FBXL6: variants seen among roughly 807,000 people sequenced by gnomAD.
The protein encoded by FBXL6 is F-box/LRR-repeat protein 6.
Under a neutral mutation model 53.3 loss-of-function variants are expected in FBXL6, and 50 were observed. The ratio of observed to expected loss-of-function variants is 0.94; its 90% CI spans 0.75 to 1.19. FBXL6 has a LOEUF of 1.19. Ranked by LOEUF, FBXL6 falls within the 50% of genes most tolerant of loss-of-function variation. The pLI is 0.00. For missense variants in FBXL6, 815 were observed against 719.0 expected, an observed-to-expected ratio of 1.13 and a Z score of -1.53; for synonymous variants, 405 against 322.9, an observed-to-expected ratio of 1.25 and a Z score of -2.73.
chr8:144,357,170 A>C (rs782596489), intron 3 of FBXL6, 49 bp from the exon 4 acceptor site: 1 of 1,609,448 alleles, frequency 6.2e-7, no homozygotes, highest in Non-Finnish European at 8.5e-7. Flanking sequence ...ACAGGCTAAG[A>C]TCCACAAGGG....
rs1554853422 is a variant in FBXL6 at position 144,358,198 on chromosome 8, C to T, written c.250G>A (p.Gly84Arg). ...GPSAAAKPKA[G>R]LRSEAAAAPA... ...GCGGCCGCCGCCTCGGACCTGAGCC[C>T]GGCCTTGGGCTTGGCCGCGGCGCTG... Residue 84 changes from glycine to arginine, a missense_variant, in exon 1 of 9, where the codon GGG becomes AGG. By Grantham distance (125) the Gly-to-Arg change is moderately radical. Coordinates refer to ENST00000331890, the MANE Select transcript of FBXL6 (RefSeq NM_012162.4). 13 of 1,267,606 alleles carry T rather than the reference C, an allele frequency of 1.0e-5. No homozygotes were observed. In the South Asian group the frequency reaches 3.0e-4, roughly 30 times the overall value. The allele number at this position is 1,267,606 out of a possible 1,614,324, so 78.5% of individuals were successfully genotyped here.
rs200282665 is a variant in FBXL6, at chr8:144,358,290, C to G, written c.158G>C (p.Gly53Ala). ...CCGCTGTGCGCGGGGCCGGGCGGGGCCGGGTTCGGACAGCACCAGCAGCAT... is the reference window on the plus strand; with the variant it reads ...CCGCTGTGCGCGGGGCCGGGCGGGGGCGGGTTCGGACAGCACCAGCAGCAT... ...DSMLLVLSEP[G>A]PARPRAQRRA... The change falls in exon 1 of 9, where the codon GGC becomes GCC. Residue 53 changes from glycine to alanine, a missense_variant. Transcript: ENST00000331890. 4.2e-3 allele frequency: 5,167 copies of G among 1,242,376 alleles called. 101 individuals carry two copies. In the African/African-American group the frequency reaches 0.052, roughly 13 times the overall value. The allele number at this position is 1,242,376 out of a possible 1,614,324, so 77.0% of individuals were successfully genotyped here. A position where few individuals can be genotyped will look rare whatever the true frequency, so the allele number is the denominator to read the frequency against.
In FBXL6 at chr8:144,356,112, C is replaced by T. The variant is rs1388802323; in HGVS notation, c.1328G>A (p.Arg443Gln). The T allele has an allele frequency of 7.4e-6, 12 of 1,612,988 alleles. No individual in the cohort carries two copies. Among genetic ancestry groups the T allele is most frequent in the South Asian group, 2.2e-5 (2 of 91,084 alleles). ...CCCCTGGCCACTCAAGTCCAGTTCT[C>T]GCAGTGTATGGCACCACTTCTGGGT... is the stretch of plus-strand genomic sequence containing the variant. ...FLTQKWCHTLRELDLSGQGFS... is the reference protein window; with the variant it reads ...FLTQKWCHTLQELDLSGQGFS... Residue 443 changes from arginine to glutamine, a missense_variant, in exon 8 of 9, where the codon CGA becomes CAA. Transcript: ENST00000331890.
chr8:144,356,560 G>A (rs782717185), intron 6 of FBXL6, 29 bp from the exon 7 acceptor site: 3 of 1,612,768 alleles, frequency 1.9e-6, no homozygotes, highest in Non-Finnish European at 2.5e-6. Context: ...CTGTAGATGG[G>A]GGAGGGTGTG....
Position 144,356,687 on chromosome 8 carries a change from G to A in FBXL6, c.906C>T (p.Val302=), listed in dbSNP as rs368399680. Residue 302 remains valine, a synonymous_variant, in exon 6 of 9, where the codon GTC becomes GTT. Transcript: ENST00000331890. ...GGTTGATGCCGGTGCTCACCTCCAG[G>A]ACCTGGAGCTGGGGGCAGCAGCTGC... The part of the protein sequence containing the change: ...LLGSCCPQLQ[V]LEVSTGINRN... 6.2e-7 allele frequency: 1 copy of A among 1,612,480 alleles called. No homozygotes were observed. The highest frequency in any genetic ancestry group is 2.2e-5 in the East Asian group (1 of 44,890).
In FBXL6 at chr8:144,355,963, C is replaced by G; in HGVS notation, c.1472+5G>C. 1 of 1,611,174 alleles carries G rather than the reference C, an allele frequency of 6.2e-7. No homozygotes were observed. Among genetic ancestry groups the G allele is most frequent in the Non-Finnish European group, 8.5e-7 (1 of 1,178,602 alleles). On this transcript the variant is annotated splice_donor_5th_base_variant and intron_variant, in intron 8 of 8. Coordinates refer to ENST00000331890, the MANE Select transcript of FBXL6 (RefSeq NM_012162.4). ...GCTCCAGGGACTGGGGTAGGGGATG[C>G]TGACCTGACAGTGCTTGGTGTGACC...
Position 144,356,071 on chromosome 8 carries a change from G to A in FBXL6, c.1369C>T (p.Leu457=), listed in dbSNP as rs139684144. Residue 457 remains leucine (L), a synonymous_variant, in exon 8 of 9, where the codon CTG becomes TTG. Transcript: ENST00000331890. ...LSGQGFSEKD[L]EQALAAFLST... is the part of the protein sequence containing the mutation. ...AAGAAGGCAGCCAGGGCCTGCTCCA[G>A]GTCCTTCTCACTGAACCCCTGGCCA... 1.9e-5 allele frequency: 31 copies of A among 1,612,550 alleles called. No individual in the cohort carries two copies. The highest frequency in any genetic ancestry group is 2.5e-5 in the Non-Finnish European group (30 of 1,179,598).
At position 144,357,746 on chromosome 8, in the gene FBXL6, G is replaced by A; in HGVS notation, c.457C>T (p.Gln153Ter). Residue 153 changes from glutamine to a stop codon, truncating the protein, a stop_gained, in exon 2 of 9, where the codon CAA becomes TAA. Transcript: ENST00000331890. LOFTEE classifies it high-confidence loss of function. ...VCRRWQEAAS[Q>*]PALWHTVTLS... is the part of the protein sequence containing the mutation. ...GTCACGGTGTGCCAGAGCGCGGGTT[G>A]GGAAGCGGCCTCCTGCCAGCGGCGG... 2 of 1,599,740 alleles carry A rather than the reference G, an allele frequency of 1.3e-6. No homozygotes were observed. Among genetic ancestry groups the A allele is most frequent in the Non-Finnish European group, 1.7e-6 (2 of 1,174,550 alleles).
chr8:144,355,861 CCT>C, intron 8 of FBXL6, 105 bp downstream of exon 8: 1 of 1,559,398 alleles, frequency 6.4e-7, no homozygotes, highest in East Asian at 2.3e-5. Flanking sequence ...TATGCATGCC[CCT>C]CTGACCCCTG....
chr8:144,356,175 T>G lies in FBXL6; in HGVS notation c.1265A>C (p.Asp422Ala). The change falls in exon 8 of 9, where the codon GAC becomes GCC. Residue 422 changes from aspartate to alanine, a missense_variant. By Grantham distance (126) the Asp-to-Ala change is moderately radical (BLOSUM62 -2). Transcript: ENST00000331890. ...QLHLGLYGTS[D>A]RLTLAKEGSP... ...GCCCTCCTTGGCTAGAGTCAGCCGGTCTGACGTGCCATACAGGCCCAGATG... is the reference window on the plus strand; with the variant it reads ...GCCCTCCTTGGCTAGAGTCAGCCGGGCTGACGTGCCATACAGGCCCAGATG... The G allele has an allele frequency of 6.3e-7, 1 of 1,598,104 alleles. No individual in the cohort carries two copies. Among genetic ancestry groups the G allele is most frequent in the South Asian group, 1.1e-5 (1 of 90,484 alleles).
intron 8 of FBXL6, 55 bp from the exon 9 acceptor site, chr8:144,355,733 C>G: frequency 6.3e-7 from 1 of 1,595,280 alleles, no homozygotes; most frequent in Non-Finnish European, 8.5e-7. Context: ...AGGGCTGGGC[C>G]AGGCTAGGGA....
chr8:144,355,477 G>A lies in FBXL6; in HGVS notation c.*54C>T. On this transcript the variant is annotated 3_prime_UTR_variant, in exon 9 of 9. Transcript: ENST00000331890. ...ACAAAATGCTCAAATATCTGAAATTGGGCAAAGGTGGAGGGTGGGCAAGCT... is the reference window on the plus strand; with the variant it reads ...ACAAAATGCTCAAATATCTGAAATTAGGCAAAGGTGGAGGGTGGGCAAGCT... The A allele has an allele frequency of 3.2e-6, 5 of 1,582,308 alleles. No homozygotes were observed. Among genetic ancestry groups the A allele is most frequent in the Non-Finnish European group, 4.3e-6 (5 of 1,161,816 alleles).
At position 144,355,478 on chromosome 8, in the gene FBXL6, G is replaced by T. The variant is rs1818356114; in HGVS notation, c.*53C>A. 1.3e-6 allele frequency: 2 copies of T among 1,583,104 alleles called. No homozygotes were observed. Among genetic ancestry groups the T allele is most frequent in the Non-Finnish European group, 1.7e-6 (2 of 1,162,334 alleles). ...CAAAATGCTCAAATATCTGAAATTG[G>T]GCAAAGGTGGAGGGTGGGCAAGCTG... On this transcript the variant is annotated 3_prime_UTR_variant, in exon 9 of 9. Coordinates refer to ENST00000331890, the MANE Select transcript of FBXL6 (RefSeq NM_012162.4).
At position 144,357,833 on chromosome 8, in the gene FBXL6, C is replaced by T. The variant is rs782039566; in HGVS notation, c.417-47G>A. ...GGTGCCGGCCCCTCCGTAGGCGATG[C>T]CCCCCTCTCGCAGCGCAGTAGACAC... On this transcript the variant is annotated intron_variant, in intron 1 of 8. Transcript: ENST00000331890. 8 of 1,459,062 alleles carry T rather than the reference C, an allele frequency of 5.5e-6. No individual in the cohort carries two copies. In the African/African-American group the frequency reaches 9.9e-5, roughly 18 times the overall value. The allele number at this position is 1,459,062 out of a possible 1,614,324, so 90.4% of individuals were successfully genotyped here. A position where few individuals can be genotyped will look rare whatever the true frequency, so the allele number is the denominator to read the frequency against.
At chr8:144,355,709 G>C (rs1458746914) in intron 8 of FBXL6, 31 bp from the exon 9 acceptor site, 2 of 1,607,108 alleles carry the variant, frequency 1.2e-6, no homozygotes, top group Non-Finnish European at 1.7e-6. Flanking sequence ...AGGAAGTTGA[G>C]CTGTTGCCTC....
In FBXL6 at chr8:144,356,618, T is replaced by C; in HGVS notation, c.975A>G (p.Lys325=). Residue 325 remains lysine (K), a synonymous_variant, in exon 6 of 9, where the codon AAA becomes AAG. Coordinates refer to ENST00000331890, the MANE Select transcript of FBXL6 (RefSeq NM_012162.4). The stretch of plus-strand genomic sequence containing the variant: ...CAGGTACCTGGAGCTGAGGGCAGCC[T>C]TTCTGCAGAGCCTCGACAGGCAGCT... ...PLQLPVEALQ[K]GCPQLQVLRL... 1 of 1,612,956 alleles carries C rather than the reference T, an allele frequency of 6.2e-7. No individual in the cohort carries two copies. The highest frequency in any genetic ancestry group is 8.5e-7 in the Non-Finnish European group (1 of 1,179,966).
Position 144,358,383 on chromosome 8 carries a change from G to T in FBXL6, c.65C>A (p.Ala22Asp). ...RARAAPRPRS[A>D]EDWWWDRLAP... is the part of the protein sequence containing the mutation. ...CAGCCGGTCCCACCACCAGTCCTCG[G>T]CCGAGCGGGGCCGCGGCGCTGCCCG... Residue 22 changes from alanine to aspartate, a missense_variant, in exon 1 of 9, where the codon GCC (alanine) becomes GAC (aspartate). Ala to Asp is a moderately radical substitution (Grantham distance 126). Coordinates refer to ENST00000331890, the MANE Select transcript of FBXL6 (RefSeq NM_012162.4). 7.9e-7 allele frequency: 1 copy of T among 1,258,534 alleles called. No homozygotes were observed. Among genetic ancestry groups the T allele is most frequent in the Admixed American group, 3.6e-5 (1 of 27,458 alleles). 78.0% of individuals were successfully genotyped at this position (1,258,534 alleles called of 1,614,324 possible). A position where few individuals can be genotyped will look rare whatever the true frequency, so the allele number is the denominator to read the frequency against.
rs782082942 is a variant in FBXL6, at chr8:144,355,549, G to T, written c.1602C>A (p.Thr534=). 1 of 1,610,656 alleles carries T rather than the reference G, an allele frequency of 6.2e-7. No individual in the cohort carries two copies. Among genetic ancestry groups the T allele is most frequent in the East Asian group, 2.2e-5 (1 of 44,872 alleles). ...TGGCTGCCTAGCTGGGTGAGGGGCTGGTGAGCAGCTGCTCCAGACACCACT... is the reference window on the plus strand; with the variant it reads ...TGGCTGCCTAGCTGGGTGAGGGGCTTGTGAGCAGCTGCTCCAGACACCACT... ...EVQWCLEQLL[T]SPSPS is the part of the protein sequence containing the mutation. The change falls in exon 9 of 9, where the codon ACC becomes ACA. Residue 534 remains threonine (T), a synonymous_variant. Coordinates refer to ENST00000331890, the MANE Select transcript of FBXL6 (RefSeq NM_012162.4).
chr8:144,357,263 G>A (rs1818498171), intron 3 of FBXL6, 142 bp from the exon 4 acceptor site: 4 of 1,310,836 alleles, frequency 3.1e-6, no homozygotes, highest in Non-Finnish European at 4.2e-6. Flanking sequence ...CTACTTGGGT[G>A]TCCCCGCCTC....
Sources: allele counts gnomAD v4.1 joint callset, GRCh38; gene constraint gnomAD v4.1.1; transcripts MANE v1.5; gene names NCBI Gene and HGNC (gene_info 2026-07-23, HGNC 2026-07-21).